GULP1: variants seen among roughly 807,000 people sequenced by gnomAD.
GULP1 encodes the protein GULP PTB domain containing engulfment adaptor 1, also known as PTB domain-containing engulfment adapter protein 1.
Under a neutral mutation model 40.9 loss-of-function variants are expected in GULP1, and 19 were observed. The ratio of observed to expected loss-of-function variants is 0.46; its 90% confidence interval spans 0.32 to 0.68. GULP1 has a LOEUF of 0.68. Ranked by LOEUF, GULP1 falls within the 30% of genes least tolerant of loss-of-function variation. GULP1 has a pLI of 0.03. For synonymous variants in GULP1, 119 were observed against 117.6 expected (o/e 1.01, Z -0.08); for missense variants, 312 against 362.2 (o/e 0.86, Z 1.12).
chr2:188,492,565 T>C (rs1368363483), intron 4 of GULP1, among the ~76,000 whole-genome samples: 4 of 152,020 alleles, frequency 2.6e-5, no homozygotes, highest in Non-Finnish European at 5.9e-5. Flanking sequence ...ACGTCCCATT[T>C]AACAGCTAAA....
chr2:188,320,938 G>C (rs12987553), intron 1 of GULP1, among the ~76,000 whole-genome samples: 22,606 of 149,958 alleles, frequency 0.15, 1,829 homozygotes, highest in Middle Eastern at 0.17. Context: ...ACCTACAAAA[G>C]GAAAAGAAAC....
At chr2:188,567,716 A>G (rs1029040062) in intron 7 of GULP1, among the ~76,000 whole-genome samples, 2 of 152,164 alleles carry the variant, frequency 1.3e-5, no homozygotes, top group African/African-American at 4.8e-5. Context: ...CGTATACTGT[A>G]TAACTAACCT....
chr2:188,380,971 A>G (rs760578047), intron 1 of GULP1, among the ~76,000 whole-genome samples: 9 of 152,176 alleles, frequency 5.9e-5, no homozygotes, highest in Non-Finnish European at 8.8e-5. Flanking sequence ...AATTTCATAT[A>G]CGTCTTCAAA....
chr2:188,435,706 C>T (rs1302101679), intron 2 of GULP1, among the ~76,000 whole-genome samples: 5 of 152,056 alleles, frequency 3.3e-5, no homozygotes, highest in Non-Finnish European at 5.9e-5. Context: ...GAATCTGCTT[C>T]AGAGATCCCT....
intron 4 of GULP1, among the ~76,000 whole-genome samples, chr2:188,493,544 T>C (rs2062614791): frequency 6.6e-6 from 1 of 152,080 alleles, no homozygotes; most frequent in African/African-American, 2.4e-5. Context: ...ATGACTTTCC[T>C]GCCTAAATGT....
At chr2:188,537,063 T>C (rs935287552) in intron 6 of GULP1, among the ~76,000 whole-genome samples, 8 of 152,134 alleles carry the variant, frequency 5.3e-5, no homozygotes, top group African/African-American at 1.9e-4. Context: ...AGTTGTTTAC[T>C]ATCAGTTGCA....
intron 11 of GULP1, 43 bp downstream of exon 11, chr2:188,587,992 TTTGA>T: frequency 2.1e-6 from 2 of 970,446 alleles, no homozygotes; most frequent in Non-Finnish European, 3.4e-6. Context: ...TTTATTTCAT[TTTGA>T]TATGGGACAA....
chr2:188,466,676 TC>T (rs1169491517), intron 2 of GULP1: 2 of 152,082 alleles, frequency 1.3e-5, no homozygotes, highest in Non-Finnish European at 2.9e-5. Context: ...TACATATACT[TC>T]TTAACTAATC....
chr2:188,375,551 A>G (rs1204070857), intron 1 of GULP1, among the ~76,000 whole-genome samples: 1 of 152,230 alleles, frequency 6.6e-6, no homozygotes, highest in Non-Finnish European at 1.5e-5. Flanking sequence ...AAAAGTGCTT[A>G]ATAAGAACTC....
chr2:188,433,243 T>A (rs2057074853), intron 2 of GULP1, among the ~76,000 whole-genome samples: 1 of 152,112 alleles, frequency 6.6e-6, no homozygotes, highest in Admixed American at 6.6e-5. Context: ...AAGGGGGTCA[T>A]TCTCTTTGTC....
intron 7 of GULP1, among the ~76,000 whole-genome samples, chr2:188,545,280 A>G (rs1347417923): frequency 1.3e-5 from 2 of 151,844 alleles, no homozygotes; most frequent in Non-Finnish European, 2.9e-5. Context: ...GGGAACTTGG[A>G]GTATAAGGAA....
At chr2:188,591,657 A>G (rs1703570060) in intron 11 of GULP1, 2 of 151,790 alleles carry the variant, frequency 1.3e-5, no homozygotes, top group African/African-American at 4.8e-5. Context: ...AAAGAGGAAG[A>G]TAGAAAACTA....
intron 4 of GULP1, among the ~76,000 whole-genome samples, chr2:188,493,073 G>C (rs1469100557): frequency 6.6e-6 from 1 of 152,018 alleles, no homozygotes; most frequent in East Asian, 1.9e-4. Flanking sequence ...AATGCATTCA[G>C]ATAACCAAAC....
chr2:188,317,309 A>G (rs972895040), intron 1 of GULP1, among the ~76,000 whole-genome samples: 7 of 152,090 alleles, frequency 4.6e-5, no homozygotes, highest in African/African-American at 1.7e-4. Flanking sequence ...TTGAATTGCA[A>G]TTTTCTCCTG....
intron 1 of GULP1, among the ~76,000 whole-genome samples, chr2:188,327,756 C>T (rs2040961208): frequency 1.3e-5 from 2 of 152,030 alleles, no homozygotes; most frequent in South Asian, 4.1e-4. Flanking sequence ...GTTAGGGATA[C>T]ATTTATTTTG....
chr2:188,571,966 G>A (rs1263310417), intron 9 of GULP1, among the ~76,000 whole-genome samples: 2 of 152,156 alleles, frequency 1.3e-5, no homozygotes, highest in South Asian at 2.1e-4. Flanking sequence ...TTTATCTGAG[G>A]AAGAACATTT....
At chr2:188,502,411 A>G (rs1306455845) in intron 4 of GULP1, among the ~76,000 whole-genome samples, 2 of 151,964 alleles carry the variant, frequency 1.3e-5, no homozygotes, top group East Asian at 1.9e-4. Flanking sequence ...TATTAGTGCT[A>G]TAAGAATATT....
At chr2:188,531,433 C>T (rs572571678) in intron 6 of GULP1, among the ~76,000 whole-genome samples, 1 of 152,280 alleles carries the variant, frequency 6.6e-6, no homozygotes, top group African/African-American at 2.4e-5. Flanking sequence ...ATACCTTCAA[C>T]TTCCCATATT....
intron 6 of GULP1, among the ~76,000 whole-genome samples, chr2:188,538,209 T>C (rs1327772453): frequency 6.6e-6 from 1 of 152,042 alleles, no homozygotes; most frequent in Admixed American, 6.6e-5. Flanking sequence ...ATTTTAGTTA[T>C]ATCTTCTGCT....
Sources: allele counts gnomAD v4.1 joint callset (sites outside exome capture counted in the v4.1 genomes callset), GRCh38; gene constraint gnomAD v4.1.1; transcripts MANE v1.5; gene names NCBI Gene and HGNC (gene_info 2026-07-23, HGNC 2026-07-21).